PLGRKT: variants seen among roughly 807,000 people sequenced by gnomAD.
The protein encoded by PLGRKT is plasminogen receptor (KT).
A neutral mutation model predicts 18.5 loss-of-function variants in PLGRKT; 22 were observed. The observed-to-expected ratio is 1.19, with a 90% CI of 0.85 to 1.70. The LOEUF is 1.70. Among genes scored for constraint, PLGRKT ranks in the 40% most tolerant of loss-of-function variants. PLGRKT has a pLI of 0.00. For synonymous variants in PLGRKT, 72 were observed against 52.8 expected, an observed-to-expected ratio of 1.36 and a Z score of -1.58; for missense variants, 235 against 174.4, an observed-to-expected ratio of 1.35 and a Z score of -1.96.
intron 3 of PLGRKT, among the ~76,000 whole-genome samples, chr9:5,385,050 C>A (rs1343351942): frequency 2.0e-5 from 3 of 151,992 alleles, no homozygotes; most frequent in Non-Finnish European, 4.4e-5. Context: ...GTGGGTGGGG[C>A]CAGGGGAGGG....
chr9:5,437,479 T>C (rs1442661447), intron 1 of PLGRKT, among the ~76,000 whole-genome samples: 1 of 152,228 alleles, frequency 6.6e-6, no homozygotes, highest in Non-Finnish European at 1.5e-5. Context: ...CTGAGGCCAG[T>C]TACTGTAATT....
chr9:5,395,220 T>C (rs1337224693), intron 3 of PLGRKT, among the ~76,000 whole-genome samples: 1 of 151,968 alleles, frequency 6.6e-6, no homozygotes, highest in East Asian at 1.9e-4. Flanking sequence ...CTAGTGGTAG[T>C]TAAGTTCATG....
At chr9:5,421,988 A>G (rs1385868414) in intron 3 of PLGRKT, among the ~76,000 whole-genome samples, 1 of 152,228 alleles carries the variant, frequency 6.6e-6, no homozygotes, top group African/African-American at 2.4e-5. Flanking sequence ...TCAATTCACT[A>G]TTCTGAAATT....
intron 4 of PLGRKT, among the ~76,000 whole-genome samples, chr9:5,361,446 T>C (rs530167334): frequency 6.6e-6 from 1 of 152,308 alleles, no homozygotes; most frequent in African/African-American, 2.4e-5. Flanking sequence ...GTTTTTAAAA[T>C]GAGTAAGGAT....
intron 3 of PLGRKT, among the ~76,000 whole-genome samples, chr9:5,400,260 C>T (rs554928617): frequency 6.6e-6 from 1 of 151,964 alleles, no homozygotes; most frequent in African/African-American, 2.4e-5. Flanking sequence ...AATATAACTT[C>T]TAATACTCAA....
chr9:5,387,681 G>C (rs1332898021), intron 3 of PLGRKT, among the ~76,000 whole-genome samples: 1 of 151,730 alleles, frequency 6.6e-6, no homozygotes, highest in Admixed American at 6.6e-5. Flanking sequence ...GGGGGGCTGG[G>C]AATGATCTAT....
intron 3 of PLGRKT, among the ~76,000 whole-genome samples, chr9:5,365,652 C>CA (rs1817369369): frequency 6.6e-6 from 1 of 152,126 alleles, no homozygotes; most frequent in Non-Finnish European, 1.5e-5. Flanking sequence ...TAGAGACAAA[C>CA]AAATGAAATC....
intron 3 of PLGRKT, among the ~76,000 whole-genome samples, chr9:5,380,163 G>A (rs1211929704): frequency 6.6e-6 from 1 of 152,066 alleles, no homozygotes; most frequent in Non-Finnish European, 1.5e-5. Flanking sequence ...AGGAGATTGA[G>A]ATCATCCTGG....
intron 3 of PLGRKT, among the ~76,000 whole-genome samples, chr9:5,372,584 G>C (rs1334003192): frequency 6.6e-6 from 1 of 152,188 alleles, no homozygotes; most frequent in African/African-American, 2.4e-5. Flanking sequence ...TCTCCTAGGG[G>C]AACTCCACAG....
At chr9:5,367,075 G>C (rs1255245225) in intron 3 of PLGRKT, among the ~76,000 whole-genome samples, 1 of 138,898 alleles carries the variant, frequency 7.2e-6, no homozygotes, top group Non-Finnish European at 1.6e-5. Flanking sequence ...ACACCCCTAG[G>C]AATGAAAGAA....
intron 3 of PLGRKT, among the ~76,000 whole-genome samples, chr9:5,396,767 G>C (rs927282040): frequency 6.6e-6 from 1 of 151,972 alleles, no homozygotes; most frequent in African/African-American, 2.4e-5. Flanking sequence ...TGTGCTGGAA[G>C]ACTGGGTAGA....
At chr9:5,415,572 G>A (rs916334840) in intron 3 of PLGRKT, among the ~76,000 whole-genome samples, 2 of 152,152 alleles carry the variant, frequency 1.3e-5, no homozygotes, top group African/African-American at 4.8e-5. Context: ...ACTTTACAGT[G>A]TATATAAACT....
At position 5,361,168 on chromosome 9, in the gene PLGRKT, G is replaced by A; in HGVS notation, c.232C>T (p.Pro78Ser). The A allele has an allele frequency of 6.2e-7, 1 of 1,606,160 alleles. No homozygotes were observed. The highest frequency in any genetic ancestry group is 8.5e-7 in the Non-Finnish European group (1 of 1,174,896). ...LTAGAIKKKK[P>S]AFLVPIVPLS... Reference sequence around the variant, plus strand: ...GGAACAATCGGGACCAGGAAGGCTGGCTTCTTTTTTTTAATCGCTCTGTTT... The same window carrying A: ...GGAACAATCGGGACCAGGAAGGCTGACTTCTTTTTTTTAATCGCTCTGTTT... Residue 78 changes from proline to serine, a missense_variant, in exon 5 of 6, where the codon CCA (proline) becomes TCA (serine). Pro to Ser is a moderately conservative substitution (Grantham distance 74). Transcript: ENST00000223864.
At position 5,387,192 on chromosome 9, in the gene PLGRKT, A is replaced by C. The variant is rs532423671; in HGVS notation, c.82-25304T>G. Among the ~76,000 whole-genome samples the C allele has an allele frequency of 8.6e-4, 130 of 152,046 alleles. 2 individuals carry two copies. Among genetic ancestry groups the C allele is most frequent in the African/African-American group, 3.0e-3 (125 of 41,314 alleles). ...GGACCATATTAGAGTACAGGAGTAT[A>C]GGGTCTCGTAGGCCTTTGCCAGAAC... On this transcript the variant is annotated intron_variant, in intron 3 of 5. Coordinates refer to ENST00000223864, the MANE Select transcript of PLGRKT (RefSeq NM_018465.4).
At chr9:5,367,612 T>C (rs971339139) in intron 3 of PLGRKT, among the ~76,000 whole-genome samples, 1 of 152,138 alleles carries the variant, frequency 6.6e-6, no homozygotes, top group African/African-American at 2.4e-5. Context: ...AAGACTTAAG[T>C]GGAAAACCTT....
chr9:5,389,078 G>C (rs1817897690), intron 3 of PLGRKT, among the ~76,000 whole-genome samples: 1 of 151,898 alleles, frequency 6.6e-6, no homozygotes, highest in African/African-American at 2.4e-5. Context: ...CTTAACATAG[G>C]ACATGGACTT....
rs540609005 is a variant in PLGRKT at position 5,399,981 on chromosome 9, C to A, written c.81+31916G>T. The stretch of plus-strand genomic sequence containing the variant: ...CTCCAGTCTGGGCGACAGAGTGAGA[C>A]TCTGTCTCAAAAAAAATAAATGAAA... On this transcript the variant is annotated intron_variant, in intron 3 of 5. Transcript: ENST00000223864. Among the ~76,000 whole-genome samples, 12 of 151,624 alleles carry A rather than the reference C, an allele frequency of 7.9e-5. No individual in the cohort carries two copies. The South Asian group carries it at 1.9e-3, about 24-fold the overall frequency.
At chr9:5,417,417 T>C (rs964538278) in intron 3 of PLGRKT, among the ~76,000 whole-genome samples, 3 of 151,982 alleles carry the variant, frequency 2.0e-5, no homozygotes, top group Non-Finnish European at 4.4e-5. Flanking sequence ...GAGCTACAAC[T>C]AGAAAACTTT....
At chr9:5,404,476 C>G (rs1818218415) in intron 3 of PLGRKT, among the ~76,000 whole-genome samples, 2 of 152,158 alleles carry the variant, frequency 1.3e-5, no homozygotes, top group Non-Finnish European at 2.9e-5. Flanking sequence ...GTTCAACATA[C>G]ACAAATCAAT....
Sources: allele counts gnomAD v4.1 joint callset (sites outside exome capture counted in the v4.1 genomes callset), GRCh38; gene constraint gnomAD v4.1.1; transcripts MANE v1.5; gene names NCBI Gene and HGNC (gene_info 2026-07-23, HGNC 2026-07-21).